The following NUDT9 variants were observed in gnomAD, a reference collection of about 807,000 sequenced individuals.
NUDT9 encodes ADP-ribose pyrophosphatase.
In NUDT9, 31 loss-of-function variants were observed where a neutral mutation model predicts 41.0. The observed-to-expected ratio is 0.76, with a 90% confidence interval of 0.57 to 1.02. The LOEUF (loss-of-function observed/expected upper bound fraction) is 1.02, where lower values mean the gene tolerates loss of function less well. NUDT9 is among the 50% of genes least tolerant of loss of function. The pLI, the probability that NUDT9 is intolerant of heterozygous loss-of-function variation, is 0.00. For synonymous variants in NUDT9, 146 were observed against 147.6 expected (o/e 0.99, Z 0.08); for missense variants, 380 against 431.4 (o/e 0.88, Z 1.06).
chr4:87,458,076 G>C lies in NUDT9; in HGVS notation c.*55G>C. The C allele has an allele frequency of 1.4e-6, 2 of 1,425,316 alleles. No individual in the cohort carries two copies. Among genetic ancestry groups the C allele is most frequent in the Non-Finnish European group, 1.8e-6 (2 of 1,085,724 alleles). 88.3% of individuals were successfully genotyped at this position (1,425,316 alleles called of 1,614,324 possible). On this transcript the variant is annotated 3_prime_UTR_variant, in exon 8 of 8. Coordinates refer to ENST00000302174, the MANE Select transcript of NUDT9 (RefSeq NM_024047.5). The stretch of plus-strand genomic sequence containing the variant: ...ACAGAGGAGCATATACTGAAAAGAA[G>C]GCAGTATCACAGAATTTATACTATA...
intron 1 of NUDT9, among the ~76,000 whole-genome samples, chr4:87,423,352 T>C (rs1490937608): frequency 1.3e-5 from 2 of 152,210 alleles, no homozygotes; most frequent in Non-Finnish European, 2.9e-5. Context: ...TTAATACATG[T>C]ACATAGTTAA....
intron 1 of NUDT9, among the ~76,000 whole-genome samples, chr4:87,429,843 A>G (rs569261427): frequency 1.3e-5 from 2 of 150,460 alleles, no homozygotes; most frequent in Admixed American, 6.6e-5. Context: ...TCAGCACCTT[A>G]TTTCCTAGCC....
intron 1 of NUDT9, among the ~76,000 whole-genome samples, chr4:87,431,398 G>A (rs992337646): frequency 6.6e-6 from 1 of 152,152 alleles, no homozygotes; most frequent in Non-Finnish European, 1.5e-5. Flanking sequence ...GCTATTTGGG[G>A]TTCCTTGAGA....
intron 1 of NUDT9, among the ~76,000 whole-genome samples, chr4:87,429,937 G>A (rs182716203): frequency 6.6e-6 from 1 of 152,066 alleles, no homozygotes; most frequent in Admixed American, 6.5e-5. Flanking sequence ...GCAGAATAAT[G>A]GCCCCCCAAG....
At chr4:87,447,424 A>C (rs1296406069) in intron 4 of NUDT9, among the ~76,000 whole-genome samples, 1 of 152,074 alleles carries the variant, frequency 6.6e-6, no homozygotes, top group Non-Finnish European at 1.5e-5. Flanking sequence ...ATTGGGTTTC[A>C]TCCAGAGTAA....
At chr4:87,456,299 G>C (rs1722988309) in intron 7 of NUDT9, among the ~76,000 whole-genome samples, 1 of 152,166 alleles carries the variant, frequency 6.6e-6, no homozygotes, top group African/African-American at 2.4e-5. Context: ...GCCCTGGGCT[G>C]TGACCCTTCA....
At position 87,441,861 on chromosome 4, in the gene NUDT9, G is replaced by C. The variant is rs746239066; in HGVS notation, c.476G>C (p.Arg159Pro). The C allele has an allele frequency of 6.2e-7, 1 of 1,611,982 alleles. No homozygotes were observed. ...GCAGGACGGACTGGACTGGTGGGCC[G>C]GGGGCTTTTGGGGCGATGGGGCCCA... ...NPAGRTGLVGRGLLGRWGPNH... is the reference protein window; with the variant it reads ...NPAGRTGLVGPGLLGRWGPNH... Residue 159 changes from arginine (R) to proline (P), a missense_variant, in exon 4 of 8, where the codon CGG becomes CCG. Coordinates refer to ENST00000302174, the MANE Select transcript of NUDT9 (RefSeq NM_024047.5).
At chr4:87,439,798 T>G (rs1722121840) in intron 3 of NUDT9, among the ~76,000 whole-genome samples, 1 of 152,202 alleles carries the variant, frequency 6.6e-6, no homozygotes. Flanking sequence ...AAATTTGAGG[T>G]GAGATTTGGG....
intron 2 of NUDT9, among the ~76,000 whole-genome samples, chr4:87,436,324 T>C (rs550874741): frequency 1.3e-5 from 2 of 152,248 alleles, no homozygotes; most frequent in South Asian, 2.1e-4. Context: ...TCCCCATTTT[T>C]CCCATCCCTT....
chr4:87,434,946 T>C lies in NUDT9; in HGVS notation c.108-35T>C, dbSNP rs985711826. 1.9e-6 allele frequency: 3 copies of C among 1,570,504 alleles called. No homozygotes were observed. In the African/African-American group the frequency reaches 4.1e-5, roughly 21 times the overall value. ...GGTTCTTTAATTAATATATTTTTGGTATTTATGTAAAATGTTTTTCTTTTT... is the reference window on the plus strand; with the variant it reads ...GGTTCTTTAATTAATATATTTTTGGCATTTATGTAAAATGTTTTTCTTTTT... On this transcript the variant is annotated intron_variant, in intron 1 of 7. Coordinates refer to ENST00000302174, the MANE Select transcript of NUDT9 (RefSeq NM_024047.5).
At chr4:87,454,315 C>G (rs1337750109) in intron 6 of NUDT9, 56 bp from the exon 7 acceptor site, 22 of 912,752 alleles carry the variant, frequency 2.4e-5, no homozygotes, top group Non-Finnish European at 4.0e-5. Flanking sequence ...GTAACATGCT[C>G]TGCTGTACTC....
intron 1 of NUDT9, among the ~76,000 whole-genome samples, chr4:87,429,771 T>C (rs1226415382): frequency 2.7e-5 from 4 of 148,404 alleles, no homozygotes; most frequent in Admixed American, 2.0e-4. Flanking sequence ...TCCCCCTCCC[T>C]TTCCTTTTCG....
chr4:87,431,072 G>A (rs1721665522), intron 1 of NUDT9, among the ~76,000 whole-genome samples: 1 of 152,080 alleles, frequency 6.6e-6, no homozygotes, highest in African/African-American at 2.4e-5. Flanking sequence ...ATCATTTTAG[G>A]TCTTATGTTT....
chr4:87,446,137 G>T (rs1284187278), intron 4 of NUDT9, among the ~76,000 whole-genome samples: 1 of 151,982 alleles, frequency 6.6e-6, no homozygotes, highest in Non-Finnish European at 1.5e-5. Flanking sequence ...TGGCTGAAGA[G>T]CAGTAGCTGT....
intron 4 of NUDT9, chr4:87,445,558 G>A (rs1722407365): frequency 6.6e-6 from 1 of 152,162 alleles, no homozygotes; most frequent in South Asian, 2.1e-4. Context: ...AATGAGTTGG[G>A]AAGTGTTAAT....
chr4:87,452,323 G>A (rs1578080200), intron 6 of NUDT9, among the ~76,000 whole-genome samples: 1 of 152,008 alleles, frequency 6.6e-6, no homozygotes, highest in African/African-American at 2.4e-5. Flanking sequence ...TTTCTTTCAC[G>A]TTGAGTACCC....
At chr4:87,439,810 G>A (rs1722122319) in intron 3 of NUDT9, among the ~76,000 whole-genome samples, 1 of 152,180 alleles carries the variant, frequency 6.6e-6, no homozygotes, top group Non-Finnish European at 1.5e-5. Flanking sequence ...AGATTTGGGT[G>A]GAGTCACAGA....
chr4:87,422,948 C>G lies in NUDT9; in HGVS notation c.43C>G (p.Leu15Val). 3 of 1,612,916 alleles carry G rather than the reference C, an allele frequency of 1.9e-6. No individual in the cohort carries two copies. The highest frequency in any genetic ancestry group is 2.5e-6 in the Non-Finnish European group (3 of 1,179,728). Residue 15 changes from leucine (L) to valine (V), a missense_variant, in exon 1 of 8, where the codon CTC (leucine) becomes GTC (valine). Coordinates refer to ENST00000302174, the MANE Select transcript of NUDT9 (RefSeq NM_024047.5). Reference protein sequence around the residue: ...LLGKALAAVSLSLALASVTIR... With the variant: ...LLGKALAAVSVSLALASVTIR... ...GGGAAAGGCTTTAGCCGCGGTGTCT[C>G]TCTCTCTGGCCTTGGCCTCTGTGAC...
chr4:87,438,015 T>C (rs1368443033), intron 2 of NUDT9, among the ~76,000 whole-genome samples: 1 of 152,162 alleles, frequency 6.6e-6, no homozygotes, highest in Non-Finnish European at 1.5e-5. Context: ...GCTCTTCTGC[T>C]GGTAGTCCTT....
Sources: allele counts gnomAD v4.1 joint callset (sites outside exome capture counted in the v4.1 genomes callset), GRCh38; gene constraint gnomAD v4.1.1; transcripts MANE v1.5; gene names NCBI Gene and HGNC (gene_info 2026-07-23, HGNC 2026-07-21).